The following HACD3 variants were observed in gnomAD, a reference collection of about 807,000 sequenced individuals.
The protein encoded by HACD3 is 3-hydroxyacyl-CoA dehydratase 3.
Under a neutral mutation model 55.2 loss-of-function variants are expected in HACD3, and 30 were observed. The observed-to-expected ratio is 0.54, with a 90% CI of 0.41 to 0.74. The LOEUF is 0.74. Among genes scored for constraint, HACD3 ranks in the 30% least tolerant of loss-of-function variants. The pLI, the probability that HACD3 is intolerant of heterozygous loss-of-function variation, is 0.00. For missense variants in HACD3, 363 were observed against 440.1 expected, an observed-to-expected ratio of 0.82 and a Z score of 1.57; for synonymous variants, 141 against 151.7, an observed-to-expected ratio of 0.93 and a Z score of 0.52.
At chr15:65,551,916 C>G in intron 2 of HACD3, 198 bp downstream of exon 2, 1 of 549,330 alleles carries the variant, frequency 1.8e-6, no homozygotes, top group Non-Finnish European at 3.1e-6. Flanking sequence ...CCTGTTTCCC[C>G]CATGGAGAGG....
intron 2 of HACD3, chr15:65,552,969 T>C (rs2072150216): frequency 6.6e-6 from 1 of 151,908 alleles, no homozygotes; most frequent in South Asian, 2.1e-4. Context: ...TGCGATAGTT[T>C]ACTGAGAATG....
intron 1 of HACD3, among the ~76,000 whole-genome samples, chr15:65,547,235 G>A (rs2072086683): frequency 6.6e-6 from 1 of 152,132 alleles, no homozygotes; most frequent in African/African-American, 2.4e-5. Flanking sequence ...TCCTGCCTCA[G>A]CCTCTTGAGT....
intron 4 of HACD3, 83 bp downstream of exon 4, chr15:65,556,986 G>A (rs567486832): frequency 2.2e-4 from 286 of 1,312,350 alleles, no homozygotes; most frequent in South Asian, 1.1e-3. Flanking sequence ...ATACCTCTCG[G>A]TCTGAAAGAA....
At chr15:65,549,886 C>T (rs1015807486) in intron 1 of HACD3, among the ~76,000 whole-genome samples, 2 of 152,184 alleles carry the variant, frequency 1.3e-5, no homozygotes, top group African/African-American at 4.8e-5. Context: ...AACTTGAGAA[C>T]CCTCAAGCCA....
At chr15:65,548,981 C>A (rs1329465915) in intron 1 of HACD3, among the ~76,000 whole-genome samples, 1 of 152,190 alleles carries the variant, frequency 6.6e-6, no homozygotes, top group Non-Finnish European at 1.5e-5. Flanking sequence ...CCCACTTCAG[C>A]CTCCCCGGTA....
At position 65,564,359 on chromosome 15, in the gene HACD3, C is replaced by T; in HGVS notation, c.660+17C>T. 1 of 1,608,464 alleles carries T rather than the reference C, an allele frequency of 6.2e-7. No individual in the cohort carries two copies. Among genetic ancestry groups the T allele is most frequent in the South Asian group, 1.1e-5 (1 of 90,298 alleles). On this transcript the variant is annotated intron_variant, in intron 7 of 10. Transcript: ENST00000261875. Reference sequence around the variant, plus strand: ...CTGATCCAGGTATTGAATAGTTAAGCTGAAGGGTGGGTAATGGAAGGTCCC... The same window carrying T: ...CTGATCCAGGTATTGAATAGTTAAGTTGAAGGGTGGGTAATGGAAGGTCCC...
intron 9 of HACD3, 62 bp downstream of exon 9, chr15:65,571,716 A>C: frequency 7.7e-7 from 1 of 1,294,746 alleles, no homozygotes; most frequent in Non-Finnish European, 1.1e-6. Context: ...AGGCTGAGAG[A>C]CCAGTCCTTT....
intron 7 of HACD3, among the ~76,000 whole-genome samples, chr15:65,568,714 C>T (rs976530059): frequency 3.3e-5 from 5 of 151,794 alleles, no homozygotes; most frequent in East Asian, 1.9e-4. Flanking sequence ...AGCAAAAGGT[C>T]GAGAATATTC....
chr15:65,553,603 T>A (rs1167211612), intron 2 of HACD3, among the ~76,000 whole-genome samples: 1 of 152,206 alleles, frequency 6.6e-6, no homozygotes, highest in Non-Finnish European at 1.5e-5. Context: ...CTTTTCAAGA[T>A]GAGAGTAGTC....
chr15:65,546,375 A>G (rs1356678157), intron 1 of HACD3, among the ~76,000 whole-genome samples: 1 of 152,234 alleles, frequency 6.6e-6, no homozygotes, highest in African/African-American at 2.4e-5. Context: ...ATTATACAAG[A>G]TAATATAATT....
At chr15:65,541,419 A>G (rs1001263178) in intron 1 of HACD3, among the ~76,000 whole-genome samples, 15 of 152,216 alleles carry the variant, frequency 9.9e-5, no homozygotes, top group Non-Finnish European at 1.9e-4. Flanking sequence ...CACACCTTGT[A>G]GTTAAATAAG....
intron 1 of HACD3, among the ~76,000 whole-genome samples, chr15:65,547,840 T>A (rs151180843): frequency 9.1e-4 from 138 of 152,344 alleles, no homozygotes; most frequent in South Asian, 1.0e-3. Context: ...CACTTAACAG[T>A]TATTGAGGCA....
At chr15:65,538,197 C>T (rs907101879) in intron 1 of HACD3, among the ~76,000 whole-genome samples, 7 of 151,790 alleles carry the variant, frequency 4.6e-5, no homozygotes, top group South Asian at 2.1e-4. Flanking sequence ...TTAAAACTGT[C>T]GTAGGTAGTG....
rs1596200925 is a variant in HACD3 at position 65,532,375 on chromosome 15, C to T, written c.87+1657C>T. 3.9e-5 allele frequency among the ~76,000 whole-genome samples: 6 copies of T among 152,232 alleles called. No individual in the cohort carries two copies. In the East Asian group the frequency reaches 1.2e-3, roughly 29 times the overall value. On this transcript the variant is annotated intron_variant, in intron 1 of 10. Transcript: ENST00000261875. Reference sequence around the variant, plus strand: ...GTGCTGTGGCTCACGCCTGTAATGCCAACACTTTGGGAGGCCGAGGCGGGA... The same window carrying T: ...GTGCTGTGGCTCACGCCTGTAATGCTAACACTTTGGGAGGCCGAGGCGGGA...
At position 65,559,303 on chromosome 15, in the gene HACD3, G is replaced by A. The variant is rs2072223090; in HGVS notation, c.421+572G>A. On this transcript the variant is annotated intron_variant, in intron 5 of 10. Transcript: ENST00000261875. ...GCTATCTGTTAAAGTCATGCTGTGTGGCAAGCATTGTGCTGGGCCCTTGAC... is the reference window on the plus strand; with the variant it reads ...GCTATCTGTTAAAGTCATGCTGTGTAGCAAGCATTGTGCTGGGCCCTTGAC... Among the ~76,000 whole-genome samples the A allele has an allele frequency of 3.9e-5, 6 of 152,204 alleles. No homozygotes were observed. In the South Asian group the frequency reaches 1.2e-3, roughly 32 times the overall value.
chr15:65,554,764 G>C (rs2072171499), intron 2 of HACD3, 123 bp from the exon 3 acceptor site: 2 of 638,018 alleles, frequency 3.1e-6, no homozygotes, highest in Non-Finnish European at 5.6e-6. Flanking sequence ...AACAGAGCAA[G>C]ACTCTGTCTC....
Position 65,556,681 on chromosome 15 carries a change from A to G in HACD3, c.205-58A>G, listed in dbSNP as rs1203559824. The G allele has an allele frequency of 1.3e-5, 19 of 1,512,830 alleles. No individual in the cohort carries two copies. The East Asian group carries it at 2.6e-4, about 20-fold the overall frequency. The allele number at this position is 1,512,830 out of a possible 1,614,324, so 93.7% of individuals were successfully genotyped here. A position where few individuals can be genotyped will look rare whatever the true frequency, so the allele number is the denominator to read the frequency against. On this transcript the variant is annotated intron_variant, in intron 3 of 10. Transcript: ENST00000261875. ...AGCTTCTATGTACGGCGCCCCTGGC[A>G]TGGTGCTGCTTCAGGGAACAGAAGA...
At chr15:65,560,491 T>A (rs1243267466) in intron 5 of HACD3, among the ~76,000 whole-genome samples, 1 of 152,176 alleles carries the variant, frequency 6.6e-6, no homozygotes, top group Non-Finnish European at 1.5e-5. Context: ...GTCCTCAGTC[T>A]GCCCATCTTT....
intron 7 of HACD3, among the ~76,000 whole-genome samples, chr15:65,569,798 G>A (rs2072330863): frequency 6.6e-6 from 1 of 152,172 alleles, no homozygotes; most frequent in South Asian, 2.1e-4. Context: ...CTTAACTTGG[G>A]TTATATAAAC....
Sources: gnomAD v4.1 joint callset for allele counts (sites outside exome capture counted in the v4.1 genomes callset) on GRCh38, gnomAD v4.1.1 for gene constraint, MANE v1.5 for transcripts, NCBI Gene and HGNC (gene_info 2026-07-23, HGNC 2026-07-21) for gene names.